Variants in PSMD5 observed in about 807,000 individuals in gnomAD.
The protein encoded by PSMD5 is proteasome 26S subunit, non-ATPase 5.
A neutral mutation model predicts 52.1 loss-of-function variants in PSMD5; 40 were observed. The observed-to-expected ratio is 0.77, with a 90% CI of 0.60 to 1.00. PSMD5 has a LOEUF of 1.00. Among genes scored for constraint, PSMD5 ranks in the 50% least tolerant of loss-of-function variants. PSMD5 has a pLI of 0.00. For missense variants in PSMD5, 575 were observed against 605.2 expected (o/e 0.95, Z 0.52); for synonymous variants, 211 against 226.6 (o/e 0.93, Z 0.62).
chr9:120,828,728 G>A lies in PSMD5; in HGVS notation c.671+371C>T, dbSNP rs10985047. Among the ~76,000 whole-genome samples the A allele has an allele frequency of 0.031, 4,697 of 152,226 alleles. 352 individuals carry two copies. In the East Asian group the frequency reaches 0.32, roughly 10 times the overall value. On this transcript the variant is annotated intron_variant, in intron 5 of 9. Coordinates refer to ENST00000210313, the MANE Select transcript of PSMD5 (RefSeq NM_005047.4). ...GGCGTGAGCCACCGCACCCGGCCTA[G>A]CCCATGTTTTTTCTATCATGCCATA...
chr9:120,821,295 A>T, intron 8 of PSMD5, 60 bp downstream of exon 8: 3 of 1,118,246 alleles, frequency 2.7e-6, no homozygotes, highest in Admixed American at 2.3e-5. Context: ...ATGTTGATTC[A>T]TACAGATTTA....
chr9:120,829,219 A>T lies in PSMD5; in HGVS notation c.562-11T>A. On this transcript the variant is annotated splice_polypyrimidine_tract_variant and intron_variant, in intron 4 of 9. Transcript: ENST00000210313. ...AATCTCTATAATTAGCTGAAATAAA[A>T]AAAAAAACACAGAAAAAAGAAAAAG... The T allele has an allele frequency of 1.9e-6, 3 of 1,567,512 alleles. No individual in the cohort carries two copies. The highest frequency in any genetic ancestry group is 2.6e-6 in the Non-Finnish European group (3 of 1,161,998).
intron 5 of PSMD5, among the ~76,000 whole-genome samples, chr9:120,827,214 T>C (rs190848711): frequency 1.3e-5 from 2 of 152,368 alleles, no homozygotes; most frequent in Admixed American, 6.5e-5. Flanking sequence ...TATTTTGAAA[T>C]ATCATACACA....
At chr9:120,823,089 G>A (rs894775592) in intron 7 of PSMD5, among the ~76,000 whole-genome samples, 3 of 152,070 alleles carry the variant, frequency 2.0e-5, no homozygotes, top group Admixed American at 6.6e-5. Context: ...GGGATTACAG[G>A]TGAGATAATT....
At position 120,831,361 on chromosome 9, in the gene PSMD5, T is replaced by C. The variant is rs2045158514; in HGVS notation, c.531A>G (p.Thr177=). ...LLDDLKSVMK[T]NDIVRYRVYE... is the part of the protein sequence containing the mutation. ...ACACCCTGTATCGAACAATGTCATT[T>C]GTTTTCATTACACTTTTCAAATCAT... The change falls in exon 4 of 10, where the codon ACA becomes ACG. Residue 177 remains threonine, a synonymous_variant. Transcript: ENST00000210313. 1 of 1,612,094 alleles carries C rather than the reference T, an allele frequency of 6.2e-7. No individual in the cohort carries two copies. Among genetic ancestry groups the C allele is most frequent in the Non-Finnish European group, 8.5e-7 (1 of 1,179,510 alleles).
chr9:120,820,798 C>G, intron 9 of PSMD5, 41 bp downstream of exon 9: 1 of 1,513,206 alleles, frequency 6.6e-7, no homozygotes, highest in Non-Finnish European at 8.8e-7. Flanking sequence ...AAGTGTTGAG[C>G]TGGCAGGGTC....
chr9:120,818,714 C>G (rs1174075451), intron 9 of PSMD5, among the ~76,000 whole-genome samples: 1 of 150,888 alleles, frequency 6.6e-6, no homozygotes, highest in Non-Finnish European at 1.5e-5. Context: ...CTAACTGCCT[C>G]TTTTAACATA....
At chr9:120,819,142 C>T (rs751488013) in intron 9 of PSMD5, among the ~76,000 whole-genome samples, 4 of 152,170 alleles carry the variant, frequency 2.6e-5, no homozygotes, top group African/African-American at 4.8e-5. Context: ...AAACCTATTA[C>T]GTTTTAATGA....
At chr9:120,825,712 TC>T (rs2045117345) in intron 6 of PSMD5, among the ~76,000 whole-genome samples, 1 of 152,192 alleles carries the variant, frequency 6.6e-6, no homozygotes. Context: ...GATTACTTTT[TC>T]AGAGTTCACT....
Position 120,831,421 on chromosome 9 carries a change from A to T in PSMD5, c.471T>A (p.Ala157=), listed in dbSNP as rs765808634. 2 of 1,612,096 alleles carry T rather than the reference A, an allele frequency of 1.2e-6. No individual in the cohort carries two copies. Among genetic ancestry groups the T allele is most frequent in the Non-Finnish European group, 1.7e-6 (2 of 1,179,384 alleles). The change falls in exon 4 of 10, where the codon GCT becomes GCA. Residue 157 remains alanine (A), a synonymous_variant. Transcript: ENST00000210313. ...TGCTTTCAAATAAAGCCTCCAGTCC[A>T]GCTTGGGTTAGTGATATTCTTGACA... ...KSLSRISLTQ[A]GLEALFESNL... is the part of the protein sequence containing the mutation.
chr9:120,836,617 G>A (rs530649190), intron 1 of PSMD5, among the ~76,000 whole-genome samples: 131 of 151,864 alleles, frequency 8.6e-4, no homozygotes, highest in African/African-American at 2.7e-3. Flanking sequence ...GGCTGGCCTC[G>A]AATTCCTGAC....
In PSMD5 at chr9:120,831,410, G is replaced by A; in HGVS notation, c.482C>T (p.Ala161Val). 6.2e-7 allele frequency: 1 copy of A among 1,612,368 alleles called. No homozygotes were observed. Among genetic ancestry groups the A allele is most frequent in the Non-Finnish European group, 8.5e-7 (1 of 1,179,346 alleles). The change falls in exon 4 of 10, where the codon GCT becomes GTT. Residue 161 changes from alanine to valine, a missense_variant. By Grantham distance (64) the Ala-to-Val change is moderately conservative. Transcript: ENST00000210313. ...RISLTQAGLE[A>V]LFESNLLDDL... ...ATCCAGCAGATTGCTTTCAAATAAA[G>A]CCTCCAGTCCAGCTTGGGTTAGTGA...
At chr9:120,828,263 G>C (rs903457848) in intron 5 of PSMD5, among the ~76,000 whole-genome samples, 1 of 152,024 alleles carries the variant, frequency 6.6e-6, no homozygotes, top group African/African-American at 2.4e-5. Flanking sequence ...GCCTCCCAAA[G>C]TGCTGGGATT....
chr9:120,829,288 T>G (rs1309284448), intron 4 of PSMD5, 80 bp from the exon 5 acceptor site: 1 of 1,365,788 alleles, frequency 7.3e-7, no homozygotes, highest in African/African-American at 1.5e-5. Context: ...TTAAGTTAAA[T>G]GTAGGACTAG....
Position 120,829,390 on chromosome 9 carries a change from G to GATT in PSMD5, c.562-185_562-183dup, listed in dbSNP as rs933727488. Among the ~76,000 whole-genome samples the GATT allele has an allele frequency of 5.3e-5, 8 of 152,014 alleles. No homozygotes were observed. The East Asian group carries it at 1.2e-3, about 22-fold the overall frequency. On this transcript the variant is annotated intron_variant, in intron 4 of 9. Transcript: ENST00000210313. ...ACGCATAAGAAATTACTTTGGCACA[G>GATT]ATTATTATTATTATTATTTTTGAGA...
chr9:120,830,931 T>C (rs1429345025), intron 4 of PSMD5, among the ~76,000 whole-genome samples: 1 of 152,252 alleles, frequency 6.6e-6, no homozygotes, highest in African/African-American at 2.4e-5. Flanking sequence ...TTGGCCAGGC[T>C]GGAGTGCAGT....
intron 9 of PSMD5, among the ~76,000 whole-genome samples, chr9:120,819,408 C>G (rs1410077216): frequency 6.6e-6 from 1 of 152,160 alleles, no homozygotes; most frequent in African/African-American, 2.4e-5. Context: ...AAAATTATTT[C>G]TACAATGGAA....
chr9:120,838,847 C>T (rs780292203), intron 1 of PSMD5, among the ~76,000 whole-genome samples: 4 of 152,200 alleles, frequency 2.6e-5, no homozygotes, highest in East Asian at 1.9e-4. Context: ...TTTAATTGGG[C>T]GTATACTGCA....
chr9:120,842,872 G>A lies in PSMD5; in HGVS notation c.38C>T (p.Ala13Val), dbSNP rs1363478498. The A allele has an allele frequency of 5.6e-6, 9 of 1,601,640 alleles. No individual in the cohort carries two copies. Among genetic ancestry groups the A allele is most frequent in the Non-Finnish European group, 5.1e-6 (6 of 1,177,648 alleles). ...CTCCTCCAGCGGCGCTTCCAGCCTCGCTACCTCTCTCAGCAGCGCCAAAGC... is the reference window on the plus strand; with the variant it reads ...CTCCTCCAGCGGCGCTTCCAGCCTCACTACCTCTCTCAGCAGCGCCAAAGC... ...AQALALLREV[A>V]RLEAPLEELR... Residue 13 changes from alanine (A) to valine (V), a missense_variant, in exon 1 of 10, where the codon GCG becomes GTG. By Grantham distance (64) the Ala-to-Val change is moderately conservative. Coordinates refer to ENST00000210313, the MANE Select transcript of PSMD5 (RefSeq NM_005047.4).
Sources: allele counts gnomAD v4.1 joint callset (sites outside exome capture counted in the v4.1 genomes callset), GRCh38; gene constraint gnomAD v4.1.1; transcripts MANE v1.5; gene names NCBI Gene and HGNC (gene_info 2026-07-23, HGNC 2026-07-21).